Variants in RBPJ observed in about 807,000 individuals in gnomAD.
RBPJ encodes recombining binding protein suppressor of hairless.
In RBPJ, 9 loss-of-function variants were observed where a neutral mutation model predicts 67.8. The ratio of observed to expected loss-of-function variants is 0.13; its 90% CI spans 0.08 to 0.23. The LOEUF is 0.23. Among genes scored for constraint, RBPJ ranks in the 10% least tolerant of loss-of-function variants. The pLI is 1.00. For missense variants in RBPJ, 305 were observed against 595.6 expected (o/e 0.51, Z 5.08); for synonymous variants, 198 against 203.3 (o/e 0.97, Z 0.22).
chr4:26,267,768 T>C (rs945210198), intron 1 of RBPJ, among the ~76,000 whole-genome samples: 7 of 151,972 alleles, frequency 4.6e-5, no homozygotes, highest in Non-Finnish European at 7.4e-5. Context: ...CCACCACACC[T>C]GGCTAATTTT....
chr4:26,333,343 CT>C (rs940910139), intron 1 of RBPJ, among the ~76,000 whole-genome samples: 6 of 152,168 alleles, frequency 3.9e-5, no homozygotes, highest in African/African-American at 1.4e-4. Context: ...GGAGCTAACA[CT>C]TTGTTGAATA....
chr4:26,422,326 G>A (rs1397786174), intron 5 of RBPJ, among the ~76,000 whole-genome samples: 2 of 151,814 alleles, frequency 1.3e-5, no homozygotes, highest in African/African-American at 2.4e-5. Flanking sequence ...AGTCATTGAT[G>A]ATGTTTAAAT....
chr4:26,155,669 A>C, the RBPJ span, among the ~76,000 whole-genome samples: 1 of 152,068 alleles, frequency 6.6e-6, no homozygotes, highest in Non-Finnish European at 1.5e-5. Context: ...TCCTGACCTC[A>C]AGTGATCTGC....
At chr4:26,359,984 T>A (rs1460968148) in intron 1 of RBPJ, among the ~76,000 whole-genome samples, 4 of 152,184 alleles carry the variant, frequency 2.6e-5, no homozygotes, top group African/African-American at 9.7e-5. Context: ...AACAAAATAA[T>A]CAGAATTTAG....
chr4:26,274,361 C>T (rs1721012012), intron 1 of RBPJ, among the ~76,000 whole-genome samples: 1 of 152,188 alleles, frequency 6.6e-6, no homozygotes, highest in African/African-American at 2.4e-5. Flanking sequence ...GACACGGTGG[C>T]TCACCCTTGT....
the RBPJ span, among the ~76,000 whole-genome samples, chr4:26,146,122 T>A: frequency 2.0e-5 from 3 of 152,072 alleles, no homozygotes; most frequent in African/African-American, 7.2e-5. Context: ...TTTAAAAACA[T>A]TTTTTGTAGA....
intron 1 of RBPJ, among the ~76,000 whole-genome samples, chr4:26,178,405 G>T (rs1233772631): frequency 1.3e-5 from 2 of 152,136 alleles, no homozygotes; most frequent in Non-Finnish European, 2.9e-5. Flanking sequence ...GGAGGCCAAG[G>T]TGAATTGCTT....
In RBPJ at chr4:26,406,206, G is replaced by A; in HGVS notation, c.91G>A (p.Gly31Arg). ...EAMRNYLKERGDQTVLILHAK... is the reference protein window; with the variant it reads ...EAMRNYLKERRDQTVLILHAK... ...TATGCGAAATTATTTAAAAGAGCGA[G>A]GGGATCAAACAGTACTTATTCTTCA... The change falls in exon 3 of 11, where the codon GGG (glycine) becomes AGG (arginine). Residue 31 changes from glycine (G) to arginine (R), a missense_variant. This residue lies in a region of RBPJ where 42 missense variants were observed against 43.6 expected (regional missense o/e 0.96). Coordinates refer to ENST00000355476, the MANE Select transcript of RBPJ (RefSeq NM_015874.6). The A allele has an allele frequency of 1.2e-6, 2 of 1,612,526 alleles. No individual in the cohort carries two copies. The highest frequency in any genetic ancestry group is 2.7e-5 in the African/African-American group (2 of 74,988).
In RBPJ at chr4:26,430,001, T is replaced by C; in HGVS notation, c.992T>C (p.Met331Thr). 6.2e-7 allele frequency: 1 copy of C among 1,614,108 alleles called. No individual in the cohort carries two copies. The highest frequency in any genetic ancestry group is 8.5e-7 in the Non-Finnish European group (1 of 1,179,992). ...GCAGAGTATACATTTTATGAGGGAA[T>C]GGGCCCTGTCCTTGCCCCAGTCACT... ...DKAEYTFYEG[M>T]GPVLAPVTPV... Residue 331 changes from methionine (M) to threonine (T), a missense_variant, in exon 9 of 11, where the codon ATG (methionine) becomes ACG (threonine). By Grantham distance (81) the Met-to-Thr change is moderately conservative. This residue lies in a region of RBPJ where 66 missense variants were observed against 226.0 expected (regional missense o/e 0.29). Coordinates refer to ENST00000355476, the MANE Select transcript of RBPJ (RefSeq NM_015874.6). This position sits in a 1 kb window ranked among gnomAD's most constrained non-coding sequence, Gnocchi z 4.1.
intron 1 of RBPJ, among the ~76,000 whole-genome samples, chr4:26,173,055 T>C (rs1397674074): frequency 6.6e-6 from 1 of 152,210 alleles, no homozygotes; most frequent in Non-Finnish European, 1.5e-5. Flanking sequence ...ATGGGAATTT[T>C]GTTGAGTGAG....
chr4:26,207,379 C>G (rs753723053), intron 1 of RBPJ, among the ~76,000 whole-genome samples: 1 of 152,136 alleles, frequency 6.6e-6, no homozygotes, highest in Non-Finnish European at 1.5e-5. Flanking sequence ...AGAGGTCACA[C>G]CTTCTTCTCC....
At chr4:26,109,061 A>G in the RBPJ span, among the ~76,000 whole-genome samples, 1 of 150,812 alleles carries the variant, frequency 6.6e-6, no homozygotes, top group African/African-American at 2.4e-5. Flanking sequence ...GGGATTAAAA[A>G]CACCAGCAAC....
chr4:26,211,700 G>A (rs1236692040), intron 1 of RBPJ, among the ~76,000 whole-genome samples: 1 of 152,128 alleles, frequency 6.6e-6, no homozygotes, highest in Non-Finnish European at 1.5e-5. Flanking sequence ...CGGGTAGACA[G>A]CAAACAAAGA....
chr4:26,282,924 CTTTTTTT>C (rs67501530), intron 1 of RBPJ, among the ~76,000 whole-genome samples: 4 of 61,646 alleles, frequency 6.5e-5, no homozygotes, highest in African/African-American at 1.4e-4. Context: ...AGTGTAGATT[CTTTTTTT>C]TTTTTTTTTT....
intron 1 of RBPJ, among the ~76,000 whole-genome samples, chr4:26,176,978 G>A (rs544848103): frequency 2.2e-4 from 34 of 152,332 alleles, no homozygotes; most frequent in Admixed American, 1.6e-3. Context: ...ACCTTTTCTT[G>A]TCTGAAGATG....
chr4:26,364,409 T>C (rs962747987), intron 1 of RBPJ, among the ~76,000 whole-genome samples: 1 of 152,210 alleles, frequency 6.6e-6, no homozygotes, highest in African/African-American at 2.4e-5. Flanking sequence ...CAAAAAGATA[T>C]TCTTGGACAT....
At chr4:26,132,874 G>A in the RBPJ span, among the ~76,000 whole-genome samples, 6 of 152,164 alleles carry the variant, frequency 3.9e-5, no homozygotes. Flanking sequence ...CAACCAGAAA[G>A]CCCGTGTCTG....
At chr4:26,237,389 C>T (rs890796400) in intron 1 of RBPJ, among the ~76,000 whole-genome samples, 2 of 151,914 alleles carry the variant, frequency 1.3e-5, no homozygotes, top group Non-Finnish European at 2.9e-5. Context: ...TTTGAAAAGG[C>T]TGCCTATTAA....
the RBPJ span, chr4:26,113,123 G>A: frequency 1.4e-5 from 3 of 212,856 alleles, no homozygotes; most frequent in South Asian, 2.5e-4. Flanking sequence ...TTCATGATCT[G>A]TCAGGGAGCT....
Sources: allele counts gnomAD v4.1 joint callset (sites outside exome capture counted in the v4.1 genomes callset), GRCh38; gene constraint gnomAD v4.1.1; regional missense constraint gnomAD v4.1.1; non-coding constraint Gnocchi (gnomAD v3.1); transcripts MANE v1.5; gene names NCBI Gene and HGNC (gene_info 2026-07-23, HGNC 2026-07-21).